ATRNL1: variants seen among roughly 807,000 people sequenced by gnomAD.
ATRNL1 encodes the protein attractin-like protein 1.
In ATRNL1, 95 loss-of-function variants were observed where a neutral mutation model predicts 182.7. That is an observed-to-expected ratio of 0.52 (90% CI 0.44 to 0.62). The LOEUF (loss-of-function observed/expected upper bound fraction) is 0.62, where lower values mean the gene tolerates loss of function less well. Ranked by LOEUF, ATRNL1 falls within the 20% of genes least tolerant of loss-of-function variation. The probability of loss-of-function intolerance (pLI) is 0.00; values close to 1 mark genes in which losing one functional copy is unlikely to be tolerated. For synonymous variants in ATRNL1, 576 were observed against 568.3 expected (o/e 1.01, Z -0.19); for missense variants, 1,471 against 1,679.5 (o/e 0.88, Z 2.17).
At chr10:115,665,662 A>G (rs1284921005) in intron 26 of ATRNL1, among the ~76,000 whole-genome samples, 3 of 152,170 alleles carry the variant, frequency 2.0e-5, no homozygotes, top group South Asian at 4.1e-4. Context: ...GAATTACTAA[A>G]TAAATGTTAG....
intron 8 of ATRNL1, among the ~76,000 whole-genome samples, chr10:115,195,295 G>A (rs1848318494): frequency 6.6e-6 from 1 of 152,012 alleles, no homozygotes; most frequent in South Asian, 2.1e-4. Flanking sequence ...CAGACATGTT[G>A]TTGATGAAAT....
intron 6 of ATRNL1, among the ~76,000 whole-genome samples, chr10:115,163,313 ATTTTATTTTTTCTTTTATTTC>A (rs1350705635): frequency 8.0e-5 from 12 of 150,514 alleles, no homozygotes; most frequent in Non-Finnish European, 1.3e-4. Flanking sequence ...TTATTTGATT[ATTTTATTTTTTCTTTTATTTC>A]TTTTATTTTT....
chr10:115,131,223 T>G (rs1845218358), intron 5 of ATRNL1, among the ~76,000 whole-genome samples: 1 of 152,122 alleles, frequency 6.6e-6, no homozygotes, highest in African/African-American at 2.4e-5. Flanking sequence ...TGTCTGTGTG[T>G]GTGTATGTGT....
At chr10:115,666,962 C>T (rs1555039842) in intron 26 of ATRNL1, among the ~76,000 whole-genome samples, 1 of 152,058 alleles carries the variant, frequency 6.6e-6, no homozygotes, top group East Asian at 1.9e-4. Flanking sequence ...GGACAGTGCT[C>T]GTATTTTGAG....
chr10:115,155,659 G>T (rs1846477744), intron 5 of ATRNL1, among the ~76,000 whole-genome samples: 1 of 152,042 alleles, frequency 6.6e-6, no homozygotes, highest in Admixed American at 6.6e-5. Flanking sequence ...GTATACTGAG[G>T]CTAATCATTA....
intron 9 of ATRNL1, among the ~76,000 whole-genome samples, chr10:115,236,559 TTTTG>T (rs1186544249): frequency 8.5e-5 from 13 of 152,216 alleles, no homozygotes; most frequent in Admixed American, 5.2e-4. Flanking sequence ...TCCCCACATT[TTTTG>T]TTTGTTTGTT....
intron 26 of ATRNL1, among the ~76,000 whole-genome samples, chr10:115,687,344 C>G (rs1307756277): frequency 6.6e-6 from 1 of 151,988 alleles, no homozygotes; most frequent in African/African-American, 2.4e-5. Flanking sequence ...TTAGATTTAT[C>G]ATATAAGTGG....
chr10:115,691,424 A>C (rs188850372), intron 26 of ATRNL1, among the ~76,000 whole-genome samples: 1 of 152,266 alleles, frequency 6.6e-6, no homozygotes, highest in Admixed American at 6.5e-5. Flanking sequence ...ACCTTCTTTG[A>C]AAAAATATCT....
chr10:115,266,896 T>C lies in ATRNL1; in HGVS notation c.1872T>C (p.Cys624=). The part of the protein sequence containing the change: ...NCKAFRDEEL[C]KNAGPGIKCV... ...AGGCTTTCAGAGATGAAGAACTTTGTAAAAATGCTGGTCCAGGGATAAAAT... is the reference window on the plus strand; with the variant it reads ...AGGCTTTCAGAGATGAAGAACTTTGCAAAAATGCTGGTCCAGGGATAAAAT... The change falls in exon 12 of 29, where the codon TGT becomes TGC. Residue 624 remains cysteine, a synonymous_variant. Coordinates refer to ENST00000355044, the MANE Select transcript of ATRNL1 (RefSeq NM_207303.4). The C allele has an allele frequency of 6.2e-7, 1 of 1,612,412 alleles. No individual in the cohort carries two copies. The highest frequency in any genetic ancestry group is 8.5e-7 in the Non-Finnish European group (1 of 1,178,898).
At chr10:115,683,000 A>G (rs1490587907) in intron 26 of ATRNL1, among the ~76,000 whole-genome samples, 8 of 152,120 alleles carry the variant, frequency 5.3e-5, no homozygotes, top group Admixed American at 2.6e-4. Flanking sequence ...CATCTTCTGT[A>G]AAAGGGGGAT....
chr10:115,885,828 T>C (rs980734225), intron 28 of ATRNL1, among the ~76,000 whole-genome samples: 3 of 152,232 alleles, frequency 2.0e-5, no homozygotes, highest in African/African-American at 7.2e-5. Flanking sequence ...CCCTAAATTA[T>C]TTAACCAGTT....
At chr10:115,876,525 A>G (rs1272962630) in intron 28 of ATRNL1, among the ~76,000 whole-genome samples, 2 of 152,252 alleles carry the variant, frequency 1.3e-5, no homozygotes, top group South Asian at 2.1e-4. Flanking sequence ...TTTTCCACCT[A>G]TTCCCTGATC....
intron 20 of ATRNL1, among the ~76,000 whole-genome samples, chr10:115,400,185 C>G (rs576842991): frequency 6.6e-6 from 1 of 152,102 alleles, no homozygotes; most frequent in South Asian, 2.1e-4. Flanking sequence ...AGTTCTACAT[C>G]ACTGATCATT....
intron 26 of ATRNL1, among the ~76,000 whole-genome samples, chr10:115,683,788 T>C (rs1593062587): frequency 6.6e-6 from 1 of 151,844 alleles, no homozygotes; most frequent in East Asian, 1.9e-4. Context: ...AAGTTGAAAT[T>C]TGTATAAGCA....
At chr10:115,671,348 A>T (rs1433155435) in intron 26 of ATRNL1, among the ~76,000 whole-genome samples, 1 of 152,150 alleles carries the variant, frequency 6.6e-6, no homozygotes, top group African/African-American at 2.4e-5. Context: ...AAGGAAAGAG[A>T]AGAAAAGAAA....
At chr10:115,397,690 A>G (rs1165325716) in intron 20 of ATRNL1, among the ~76,000 whole-genome samples, 1 of 151,978 alleles carries the variant, frequency 6.6e-6, no homozygotes, top group African/African-American at 2.4e-5. Context: ...GGGAAAAGAA[A>G]ATAGGAAACA....
At chr10:115,537,621 G>A (rs1478626916) in intron 25 of ATRNL1, among the ~76,000 whole-genome samples, 2 of 152,028 alleles carry the variant, frequency 1.3e-5, no homozygotes, top group Non-Finnish European at 2.9e-5. Flanking sequence ...CATACTTAAA[G>A]TATACCAGTC....
chr10:115,930,037 A>G (rs1362070100), intron 28 of ATRNL1, among the ~76,000 whole-genome samples: 13 of 152,244 alleles, frequency 8.5e-5, no homozygotes, highest in African/African-American at 3.1e-4. Context: ...ACCTTCTAGG[A>G]AGTTTAGGAA....
rs1554999695 is a variant in ATRNL1, at chr10:115,561,689, G to GT, written c.3795+12153_3795+12154insT. Among the ~76,000 whole-genome samples the GT allele has an allele frequency of 3.3e-3, 369 of 111,184 alleles. 2 individuals are homozygous for GT. The highest frequency in any genetic ancestry group is 5.6e-3 in the Admixed American group (55 of 9,868). The allele number at this position is 111,184 out of a possible 152,430, so 72.9% of individuals were successfully genotyped here. A position where few individuals can be genotyped will look rare whatever the true frequency, so the allele number is the denominator to read the frequency against. The stretch of plus-strand genomic sequence containing the variant: ...CAACTCTGTGTGTGTGTGTGTGTGT[G>GT]GGTGTGTGTGTGTGGGTGTGTGTGT... On this transcript the variant is annotated intron_variant, in intron 26 of 28. Transcript: ENST00000355044.
Sources: gnomAD v4.1 joint callset for allele counts (sites outside exome capture counted in the v4.1 genomes callset) on GRCh38, gnomAD v4.1.1 for gene constraint, MANE v1.5 for transcripts, NCBI Gene and HGNC (gene_info 2026-07-23, HGNC 2026-07-21) for gene names.